Variants in WDR1 observed in about 807,000 individuals in gnomAD.
WDR1 encodes WD repeat domain 1, also known as WD repeat-containing protein 1.
A neutral mutation model predicts 71.9 loss-of-function variants in WDR1; 21 were observed. That is an observed-to-expected ratio of 0.29 (90% CI 0.21 to 0.42). The LOEUF is 0.42. Ranked by LOEUF, WDR1 falls within the 10% of genes least tolerant of loss-of-function variation. The pLI is 1.00. For synonymous variants in WDR1, 424 were observed against 347.4 expected (o/e 1.22, Z -2.45); for missense variants, 696 against 824.5 (o/e 0.84, Z 1.91).
intron 3 of WDR1, among the ~76,000 whole-genome samples, chr4:10,100,829 G>A (rs1712639547): frequency 6.6e-6 from 1 of 152,252 alleles, no homozygotes; most frequent in African/African-American, 2.4e-5. Context: ...GGGGAGCACT[G>A]TGTGTGCAGG....
At chr4:10,097,965 G>T in intron 4 of WDR1, 74 bp from the exon 5 acceptor site, 2 of 1,421,706 alleles carry the variant, frequency 1.4e-6, no homozygotes, top group South Asian at 1.5e-5. Context: ...TAAGCAATCT[G>T]ATAGCTGAGC....
chr4:10,091,361 C>T (rs1039193966), intron 5 of WDR1, among the ~76,000 whole-genome samples: 1 of 152,202 alleles, frequency 6.6e-6, no homozygotes, highest in African/African-American at 2.4e-5. Context: ...CCCAGAAGGC[C>T]CGATCCACTC....
At chr4:10,078,821 C>G in intron 12 of WDR1, 70 bp downstream of exon 12, 2 of 1,362,052 alleles carry the variant, frequency 1.5e-6, no homozygotes, top group African/African-American at 1.5e-5. Context: ...GGTACTCACA[C>G]AGCTCACACT....
At chr4:10,078,635 C>A in intron 12 of WDR1, 1 of 405,050 alleles carries the variant, frequency 2.5e-6, no homozygotes, top group Non-Finnish European at 4.5e-6. Flanking sequence ...CCCTCTACCT[C>A]ACTGTCCACA....
chr4:10,095,243 T>TG (rs1204960680), intron 5 of WDR1, among the ~76,000 whole-genome samples: 2 of 152,252 alleles, frequency 1.3e-5, no homozygotes, highest in Admixed American at 6.5e-5. Context: ...ATGAAAGATC[T>TG]GGGGAAAAAA....
intron 5 of WDR1, among the ~76,000 whole-genome samples, chr4:10,090,850 T>C (rs976475622): frequency 6.6e-6 from 1 of 152,254 alleles, no homozygotes; most frequent in African/African-American, 2.4e-5. Flanking sequence ...ATGAGCAGAT[T>C]GTCCTCCCTG....
At chr4:10,111,013 G>A (rs368396955) in intron 2 of WDR1, among the ~76,000 whole-genome samples, 2 of 152,264 alleles carry the variant, frequency 1.3e-5, no homozygotes, top group East Asian at 1.9e-4. Flanking sequence ...GAGAGCCAGA[G>A]ATGGCTGCAC....
rs1560543647 is a variant in WDR1, at chr4:10,103,990, CAGG to C, written c.139-7_139-5del. 1.9e-6 allele frequency: 3 copies of C among 1,591,762 alleles called. No individual in the cohort carries two copies. The highest frequency in any genetic ancestry group is 1.7e-6 in the Non-Finnish European group (2 of 1,169,412). ...AGATGTCAGCAAGGGCTGGGTTCTG[CAGG>C]AGGAGACCCCGGAATGAACAGAAGG... On this transcript the variant is annotated splice_polypyrimidine_tract_variant and splice_region_variant and intron_variant, in intron 2 of 14. Transcript: ENST00000499869.
At chr4:10,075,802 A>G (rs745992577) in intron 14 of WDR1, 4 of 436,874 alleles carry the variant, frequency 9.2e-6, no homozygotes, top group Non-Finnish European at 1.7e-5. Flanking sequence ...TGAAATAACA[A>G]TGTCTTCTTA....
intron 5 of WDR1, among the ~76,000 whole-genome samples, chr4:10,094,512 G>C (rs1368276953): frequency 6.6e-6 from 1 of 152,194 alleles, no homozygotes; most frequent in Non-Finnish European, 1.5e-5. Flanking sequence ...GGAAGGCAGG[G>C]AGATGGTCTC....
At chr4:10,098,003 G>A (rs914438064) in intron 4 of WDR1, 112 bp from the exon 5 acceptor site, 1 of 1,140,838 alleles carries the variant, frequency 8.8e-7, no homozygotes, top group Non-Finnish European at 1.2e-6. Flanking sequence ...TGGAGTGACT[G>A]TCAGCAGGCA....
At chr4:10,092,563 G>A (rs931892127) in intron 5 of WDR1, 36 of 170,742 alleles carry the variant, frequency 2.1e-4, no homozygotes, top group Admixed American at 5.8e-4. Flanking sequence ...GGAGGGGCCC[G>A]GCACAGTCCA....
rs1264452582 is a variant in WDR1 at position 10,078,950 on chromosome 4, A to G, written c.1336T>C (p.Tyr446His). 1 of 1,612,652 alleles carries G rather than the reference A, an allele frequency of 6.2e-7. No homozygotes were observed. The highest frequency in any genetic ancestry group is 8.5e-7 in the Non-Finnish European group (1 of 1,179,270). Reference sequence around the variant, plus strand: ...TGCACTGCCACAACTTCGGGCTCGTAGCCGGGGTTGTCGATGCTGAAGCAC... The same window carrying G: ...TGCACTGCCACAACTTCGGGCTCGTGGCCGGGGTTGTCGATGCTGAAGCAC... ...RKCFSIDNPG[Y>H]EPEVVAVHPG... Residue 446 changes from tyrosine (Y) to histidine (H), a missense_variant, in exon 12 of 15, where the codon TAC becomes CAC. Tyr to His is a moderately conservative substitution (Grantham distance 83). Coordinates refer to ENST00000499869, the MANE Select transcript of WDR1 (RefSeq NM_017491.5).
At chr4:10,106,890 G>A (rs1252565951) in intron 2 of WDR1, among the ~76,000 whole-genome samples, 6 of 152,096 alleles carry the variant, frequency 3.9e-5, no homozygotes, top group African/African-American at 1.2e-4. Context: ...ACACCCCCAC[G>A]TGTCACTCGG....
intron 1 of WDR1, chr4:10,116,446 G>A (rs891324577): frequency 9.1e-6 from 7 of 768,588 alleles, no homozygotes; most frequent in African/African-American, 7.6e-5. Flanking sequence ...CTCCGGCTCG[G>A]CCCACGGCGC....
intron 2 of WDR1, among the ~76,000 whole-genome samples, chr4:10,114,634 A>T (rs1056482292): frequency 3.3e-5 from 5 of 152,204 alleles, no homozygotes; most frequent in Non-Finnish European, 4.4e-5. Flanking sequence ...AAACTACTAA[A>T]TATCTCTTTA....
intron 2 of WDR1, among the ~76,000 whole-genome samples, chr4:10,110,719 C>G (rs1228122213): frequency 6.6e-6 from 1 of 152,180 alleles, no homozygotes; most frequent in Non-Finnish European, 1.5e-5. Context: ...CTGGTGCCTT[C>G]GAAGGTTCTT....
intron 4 of WDR1, among the ~76,000 whole-genome samples, 198 bp from the exon 5 acceptor site, chr4:10,098,089 A>C (rs996046554): frequency 1.3e-5 from 2 of 152,110 alleles, no homozygotes; most frequent in Non-Finnish European, 2.9e-5. Flanking sequence ...AAAGGACCCA[A>C]GAACAAGATG....
At chr4:10,084,297 C>T (rs1765125344) in intron 9 of WDR1, 146 bp downstream of exon 9, 2 of 690,906 alleles carry the variant, frequency 2.9e-6, no homozygotes, top group Admixed American at 4.5e-5. Flanking sequence ...GACAGGCCAC[C>T]CCTAGAAGCC....
Sources: allele counts gnomAD v4.1 joint callset (sites outside exome capture counted in the v4.1 genomes callset), GRCh38; gene constraint gnomAD v4.1.1; transcripts MANE v1.5; gene names NCBI Gene and HGNC (gene_info 2026-07-23, HGNC 2026-07-21).